Variants in GATAD2B observed in about 807,000 individuals in gnomAD.
GATAD2B encodes GATA zinc finger domain containing 2B, also known as transcriptional repressor p66-beta.
Under a neutral mutation model 64.3 loss-of-function variants are expected in GATAD2B, and 8 were observed. That is an observed-to-expected ratio of 0.12 (90% CI 0.07 to 0.22). The LOEUF (loss-of-function observed/expected upper bound fraction) is 0.22, where lower values mean the gene tolerates loss of function less well. GATAD2B is among the 10% of genes least tolerant of loss of function. GATAD2B has a pLI of 1.00. For synonymous variants in GATAD2B, 281 were observed against 271.3 expected (o/e 1.04, Z -0.35); for missense variants, 453 against 752.0 (o/e 0.60, Z 4.65).
intron 1 of GATAD2B, among the ~76,000 whole-genome samples, chr1:153,839,241 A>G (rs1167591552): frequency 6.6e-6 from 1 of 152,172 alleles, no homozygotes; most frequent in Admixed American, 6.5e-5. Context: ...AGAATGCCAA[A>G]TGAAATAGCT....
chr1:153,855,870 A>C (rs985056571), intron 1 of GATAD2B, among the ~76,000 whole-genome samples: 1 of 151,914 alleles, frequency 6.6e-6, no homozygotes, highest in Non-Finnish European at 1.5e-5. Flanking sequence ...TTTTGTAAAG[A>C]TGGGTTTTTG....
At chr1:153,854,221 T>C (rs1179937830) in intron 1 of GATAD2B, among the ~76,000 whole-genome samples, 1 of 151,946 alleles carries the variant, frequency 6.6e-6, no homozygotes, top group African/African-American at 2.4e-5. Context: ...GCTAACATGG[T>C]AAAACCCCGT....
chr1:153,836,250 TA>T (rs890718307), intron 1 of GATAD2B, among the ~76,000 whole-genome samples: 12 of 142,150 alleles, frequency 8.4e-5, no homozygotes, highest in East Asian at 2.1e-4. Context: ...GACTCATCTC[TA>T]AAAAAAAATT....
At chr1:153,831,495 A>C (rs1398246720) in intron 1 of GATAD2B, among the ~76,000 whole-genome samples, 3 of 152,152 alleles carry the variant, frequency 2.0e-5, no homozygotes, top group Admixed American at 2.0e-4. Flanking sequence ...CCAGAACTTA[A>C]AGTAAAATAA....
intron 1 of GATAD2B, among the ~76,000 whole-genome samples, chr1:153,880,722 C>T (rs1441492204): frequency 6.6e-6 from 1 of 151,872 alleles, no homozygotes; most frequent in Non-Finnish European, 1.5e-5. Context: ...TACACGCCTG[C>T]AGTCCCAGCT....
chr1:153,840,189 C>G (rs1220658392), intron 1 of GATAD2B, among the ~76,000 whole-genome samples: 1 of 149,538 alleles, frequency 6.7e-6, no homozygotes, highest in Non-Finnish European at 1.5e-5. Flanking sequence ...CCTGCCATCA[C>G]GCCCGGCTAA....
At chr1:153,815,293 C>CAAAAAAAAAA (rs71093285) in intron 7 of GATAD2B, among the ~76,000 whole-genome samples, 25 of 111,828 alleles carry the variant, frequency 2.2e-4, no homozygotes, top group Admixed American at 3.0e-4. Context: ...AAAAAAAAAA[C>CAAAAAAAAAA]AAAAAAAAAA....
chr1:153,887,680 C>CA (rs1209860727), intron 1 of GATAD2B, among the ~76,000 whole-genome samples: 1 of 152,046 alleles, frequency 6.6e-6, no homozygotes, highest in Non-Finnish European at 1.5e-5. Context: ...TGCCACTGTA[C>CA]ACAGTCAAAG....
chr1:153,831,952 C>T (rs139956631), intron 1 of GATAD2B, among the ~76,000 whole-genome samples: 8 of 152,350 alleles, frequency 5.3e-5, no homozygotes, highest in East Asian at 1.9e-4. Context: ...CAGTGGCTCA[C>T]GCCTGTAATC....
At chr1:153,889,676 A>T in intron 1 of GATAD2B, 1 of 834,376 alleles carries the variant, frequency 1.2e-6, no homozygotes, top group Non-Finnish European at 1.4e-6. Context: ...AAATACACTC[A>T]CATGTTACTT....
chr1:153,890,672 C>G (rs1168826765), intron 1 of GATAD2B: 2 of 152,100 alleles, frequency 1.3e-5, no homozygotes, highest in African/African-American at 4.8e-5. Flanking sequence ...AATTGGTCAT[C>G]CTCACCAACT....
At chr1:153,821,254 A>T (rs1179722699) in intron 2 of GATAD2B, among the ~76,000 whole-genome samples, 1 of 151,642 alleles carries the variant, frequency 6.6e-6, no homozygotes, top group Non-Finnish European at 1.5e-5. Context: ...AAAGTGTTGG[A>T]ATTACAGGTG....
chr1:153,889,408 G>GT (rs1677290455), intron 1 of GATAD2B, among the ~76,000 whole-genome samples: 1 of 69,180 alleles, frequency 1.4e-5, no homozygotes, highest in African/African-American at 5.5e-5. Context: ...GCGAAACCCC[G>GT]TCTCCAAAAA....
At chr1:153,851,017 T>C (rs947549808) in intron 1 of GATAD2B, among the ~76,000 whole-genome samples, 2 of 152,186 alleles carry the variant, frequency 1.3e-5, no homozygotes, top group Non-Finnish European at 2.9e-5. Flanking sequence ...TACATTAATG[T>C]TGACTATAGG....
chr1:153,855,826 GTGCGCATCA>G (rs1277353567), intron 1 of GATAD2B, among the ~76,000 whole-genome samples: 1 of 152,000 alleles, frequency 6.6e-6, no homozygotes, highest in African/African-American at 2.4e-5. Flanking sequence ...GGGACTACAG[GTGCGCATCA>G]CCACGCCCAG....
chr1:153,817,600 G>A (rs1223059872), intron 5 of GATAD2B, 58 bp from the exon 6 acceptor site: 1 of 1,232,064 alleles, frequency 8.1e-7, no homozygotes, highest in Non-Finnish European at 1.1e-6. Flanking sequence ...GTATAATACA[G>A]CACAAAATGC....
chr1:153,873,154 C>G (rs1363899042), intron 1 of GATAD2B, among the ~76,000 whole-genome samples: 1 of 152,096 alleles, frequency 6.6e-6, no homozygotes. Flanking sequence ...TGAAACTATT[C>G]TGATCTCACA....
At chr1:153,881,782 CGT>C (rs60620987) in intron 1 of GATAD2B, among the ~76,000 whole-genome samples, 3 of 149,890 alleles carry the variant, frequency 2.0e-5, no homozygotes, top group Non-Finnish European at 3.0e-5. Flanking sequence ...AGGTTTTTTT[CGT>C]GTGTGTGTGT....
At chr1:153,868,293 T>C (rs1178688712) in intron 1 of GATAD2B, among the ~76,000 whole-genome samples, 2 of 152,194 alleles carry the variant, frequency 1.3e-5, no homozygotes, top group African/African-American at 4.8e-5. Flanking sequence ...ATAACTTCTT[T>C]ATGAAAAATA....
Sources: allele counts gnomAD v4.1 joint callset (sites outside exome capture counted in the v4.1 genomes callset), GRCh38; gene constraint gnomAD v4.1.1; transcripts MANE v1.5; gene names NCBI Gene and HGNC (gene_info 2026-07-23, HGNC 2026-07-21).